The following AGAP1 variants were observed in gnomAD, a reference collection of about 807,000 sequenced individuals.
The protein encoded by AGAP1 is ArfGAP with GTPase domain, ankyrin repeat and PH domain 1.
AGAP1 carries 29 observed loss-of-function variants against 105.3 expected under a neutral mutation model. The ratio of observed to expected loss-of-function variants is 0.28; its 90% CI spans 0.21 to 0.38. AGAP1 has a LOEUF of 0.38. AGAP1 is among the 10% of genes least tolerant of loss of function. The pLI, the probability that AGAP1 is intolerant of heterozygous loss-of-function variation, is 1.00. For synonymous variants in AGAP1, 509 were observed against 485.9 expected (o/e 1.05, Z -0.63); for missense variants, 998 against 1,165.1 (o/e 0.86, Z 2.09).
rs1308447271 is a variant in AGAP1 at position 235,702,822 on chromosome 2, A to G, written c.164-6357A>G. Among the ~76,000 whole-genome samples the G allele has an allele frequency of 2.7e-5, 4 of 146,026 alleles. No individual in the cohort carries two copies. The East Asian group carries it at 8.7e-4, about 32-fold the overall frequency. On this transcript the variant is annotated intron_variant, in intron 1 of 17. Transcript: ENST00000304032. ...TGGTCAGATTGATCTGGCAATTTTTATGTGGTTTGATGGAATATAAATTGA... is the reference window on the plus strand; with the variant it reads ...TGGTCAGATTGATCTGGCAATTTTTGTGTGGTTTGATGGAATATAAATTGA...
At chr2:235,540,226 C>T (rs1382124894) in intron 1 of AGAP1, among the ~76,000 whole-genome samples, 2 of 149,970 alleles carry the variant, frequency 1.3e-5, no homozygotes, top group African/African-American at 4.9e-5. Context: ...TCTCAGCTCA[C>T]TGCAACCTCT....
intron 1 of AGAP1, among the ~76,000 whole-genome samples, chr2:235,656,831 T>C (rs779446855): frequency 6.6e-6 from 1 of 152,198 alleles, no homozygotes. Flanking sequence ...ACTGAAACTT[T>C]ATATATAACA....
rs1960933184 is a variant in AGAP1, at chr2:235,842,143, T to A, written c.1050+34812T>A. On this transcript the variant is annotated intron_variant, in intron 9 of 17. Transcript: ENST00000304032. The surrounding 1 kb of genome is among the most constrained non-coding windows in gnomAD (Gnocchi z 5.3). ...CCCAGCCTGCTGGCGTTGGGCTTCCTCCGCTCCTGGTTTCTTAGTTCTGGA... is the reference window on the plus strand; with the variant it reads ...CCCAGCCTGCTGGCGTTGGGCTTCCACCGCTCCTGGTTTCTTAGTTCTGGA... Among the ~76,000 whole-genome samples, 1 of 152,208 alleles carries A rather than the reference T, an allele frequency of 6.6e-6. No homozygotes were observed. The highest frequency in any genetic ancestry group is 2.4e-5 in the African/African-American group (1 of 41,472).
chr2:235,550,428 G>C lies in AGAP1; in HGVS notation c.163+55579G>C, dbSNP rs1182235701. Among the ~76,000 whole-genome samples the C allele has an allele frequency of 6.6e-6, 1 of 152,348 alleles. No individual in the cohort carries two copies. ...GAGTCACTGAGCATGCACACGGGCT[G>C]TCAGGTCCTGGTCCCAGCTCTGCCT... On this transcript the variant is annotated intron_variant, in intron 1 of 17. Transcript: ENST00000304032. The surrounding 1 kb of genome is among the most constrained non-coding windows in gnomAD (Gnocchi z 4.6).
chr2:236,120,521 A>C lies in AGAP1; in HGVS notation c.2370+74A>C, dbSNP rs1371227091. On this transcript the variant is annotated intron_variant, in intron 17 of 17. Coordinates refer to ENST00000304032, the MANE Select transcript of AGAP1 (RefSeq NM_001037131.3). This position sits in a 1 kb window ranked among gnomAD's most constrained non-coding sequence, Gnocchi z 6.0. ...TCTGCTTTGTTCTGCTTCCGTGGGCATCTTTCTGGCAGAAGGCTGTTGTTC... is the reference window on the plus strand; with the variant it reads ...TCTGCTTTGTTCTGCTTCCGTGGGCCTCTTTCTGGCAGAAGGCTGTTGTTC... 2 of 1,583,096 alleles carry C rather than the reference A, an allele frequency of 1.3e-6. No homozygotes were observed. The highest frequency in any genetic ancestry group is 2.7e-5 in the African/African-American group (2 of 74,208).
At position 236,040,744 on chromosome 2, in the gene AGAP1, T is replaced by C. The variant is rs140839067; in HGVS notation, c.1801-7T>C. The C allele has an allele frequency of 1.5e-4, 241 of 1,612,878 alleles. 1 individual carries two copies. In the East Asian group the frequency reaches 5.1e-3, roughly 34 times the overall value. ...CGCCTTGTATTTGTGTCTTCCTCCGTGCCCAGTCCCGGCTGACGAGCCAGA... is the reference window on the plus strand; with the variant it reads ...CGCCTTGTATTTGTGTCTTCCTCCGCGCCCAGTCCCGGCTGACGAGCCAGA... On this transcript the variant is annotated splice_polypyrimidine_tract_variant and splice_region_variant and intron_variant, in intron 14 of 17. Coordinates refer to ENST00000304032, the MANE Select transcript of AGAP1 (RefSeq NM_001037131.3). This position sits in a 1 kb window ranked among gnomAD's most constrained non-coding sequence, Gnocchi z 5.6.
rs549844265 is a variant in AGAP1, at chr2:235,702,934, G to GTT, written c.164-6234_164-6233dup. Among the ~76,000 whole-genome samples the GTT allele has an allele frequency of 4.6e-4, 41 of 88,958 alleles. 5 individuals are homozygous for GTT. The South Asian group carries it at 5.3e-3, about 12-fold the overall frequency. 58.4% of individuals were successfully genotyped at this position (88,958 alleles called of 152,430 possible). A position where few individuals can be genotyped will look rare whatever the true frequency, so the allele number is the denominator to read the frequency against. On this transcript the variant is annotated intron_variant, in intron 1 of 17. Coordinates refer to ENST00000304032, the MANE Select transcript of AGAP1 (RefSeq NM_001037131.3). Reference sequence around the variant, plus strand: ...TGGTCACTGTGAGCCAGTTTTCTTGGTTTTTTTTTTTTGGACAGAGTCTGG... The same window carrying GTT: ...TGGTCACTGTGAGCCAGTTTTCTTGGTTTTTTTTTTTTTTGGACAGAGTCTGG...
At chr2:235,819,989 C>T (rs1258933228) in intron 9 of AGAP1, among the ~76,000 whole-genome samples, 21 of 151,070 alleles carry the variant, frequency 1.4e-4, no homozygotes, top group African/African-American at 3.6e-4. Flanking sequence ...CCGCAACCTC[C>T]GCCTCCCAGG....
intron 6 of AGAP1, among the ~76,000 whole-genome samples, chr2:235,755,056 A>G (rs1441529739): frequency 1.3e-5 from 2 of 152,012 alleles, no homozygotes; most frequent in Non-Finnish European, 2.9e-5. Flanking sequence ...TGGGTACCCA[A>G]CCGTTTGGAT....
chr2:235,832,473 T>C (rs1317387937), intron 9 of AGAP1, among the ~76,000 whole-genome samples: 2 of 152,248 alleles, frequency 1.3e-5, no homozygotes. Context: ...AATCATCAAC[T>C]CTTCCGATGA....
At chr2:235,941,786 G>A (rs1408405416) in intron 12 of AGAP1, among the ~76,000 whole-genome samples, 1 of 152,148 alleles carries the variant, frequency 6.6e-6, no homozygotes, top group African/African-American at 2.4e-5. Flanking sequence ...GAACTCAGTA[G>A]GCTAAAGGGA....
chr2:235,696,722 T>C (rs538060776), intron 1 of AGAP1, among the ~76,000 whole-genome samples: 13 of 152,270 alleles, frequency 8.5e-5, no homozygotes, highest in African/African-American at 2.6e-4. Context: ...TGCAGACTTA[T>C]CTGTGGGGGA....
chr2:235,774,277 A>G (rs1330134624), intron 6 of AGAP1: 3 of 450,554 alleles, frequency 6.7e-6, no homozygotes, highest in South Asian at 4.9e-5. Context: ...CCCTATCCAC[A>G]GCCATCAGAG....
chr2:235,750,405 A>G lies in AGAP1; in HGVS notation c.590A>G (p.Lys197Arg), dbSNP rs1360552887. Residue 197 changes from lysine to arginine, a missense_variant, in exon 6 of 18, where the codon AAG becomes AGG. Transcript: ENST00000304032. The surrounding 1 kb of genome is among the most constrained non-coding windows in gnomAD (Gnocchi z 5.3). ...PRVIDDARAR[K>R]LSNDLKRCTY... ...GTCATCGATGACGCCAGGGCGAGGA[A>G]GCTCTCCAACGACCTGAAACGGTGC... 2 of 1,614,088 alleles carry G rather than the reference A, an allele frequency of 1.2e-6. No individual in the cohort carries two copies. Among genetic ancestry groups the G allele is most frequent in the Non-Finnish European group, 1.7e-6 (2 of 1,180,040 alleles).
At chr2:235,630,446 G>C (rs111474107) in intron 1 of AGAP1, among the ~76,000 whole-genome samples, 14 of 152,214 alleles carry the variant, frequency 9.2e-5, no homozygotes, top group African/African-American at 3.1e-4. Context: ...CCTGACCTCA[G>C]GTGATCCACC....
intron 1 of AGAP1, among the ~76,000 whole-genome samples, chr2:235,572,543 G>T (rs1944563274): frequency 1.3e-5 from 2 of 152,130 alleles, no homozygotes; most frequent in Admixed American, 6.5e-5. Context: ...TGCCACCCCT[G>T]CTCATCATCT....
intron 9 of AGAP1, among the ~76,000 whole-genome samples, chr2:235,821,599 A>G (rs1427845945): frequency 6.6e-6 from 1 of 152,150 alleles, no homozygotes; most frequent in Non-Finnish European, 1.5e-5. Context: ...AAAATAATAC[A>G]AAGACTCCAT....
At chr2:235,508,101 C>T (rs1331093006) in intron 1 of AGAP1, among the ~76,000 whole-genome samples, 1 of 152,158 alleles carries the variant, frequency 6.6e-6, no homozygotes, top group Non-Finnish European at 1.5e-5. Flanking sequence ...TTTTGCTGCA[C>T]AGGGCGTGAT....
At chr2:235,942,714 G>C (rs2053320173) in intron 12 of AGAP1, among the ~76,000 whole-genome samples, 1 of 151,602 alleles carries the variant, frequency 6.6e-6, no homozygotes, top group Admixed American at 6.6e-5. Context: ...CTAGCATACA[G>C]AAGTCTAAAA....
Sources: gnomAD v4.1 joint callset for allele counts (sites outside exome capture counted in the v4.1 genomes callset) on GRCh38, gnomAD v4.1.1 for gene constraint, Gnocchi (gnomAD v3.1) non-coding constraint, MANE v1.5 for transcripts, NCBI Gene and HGNC (gene_info 2026-07-23, HGNC 2026-07-21) for gene names.